The following CACNG2 variants were observed in gnomAD, a reference collection of about 807,000 sequenced individuals.
CACNG2 encodes the protein calcium voltage-gated channel auxiliary subunit gamma 2.
In CACNG2, 3 loss-of-function variants were observed where a neutral mutation model predicts 25.9. The ratio of observed to expected loss-of-function variants is 0.12; its 90% CI spans 0.05 to 0.30. CACNG2 has a LOEUF of 0.30. Among genes scored for constraint, CACNG2 ranks in the 10% least tolerant of loss-of-function variants. CACNG2 has a pLI of 1.00. For synonymous variants in CACNG2, 167 were observed against 173.3 expected (o/e 0.96, Z 0.29); for missense variants, 341 against 432.5 (o/e 0.79, Z 1.88).
intron 1 of CACNG2, among the ~76,000 whole-genome samples, chr22:36,594,717 ATGTG>A (rs964052562): frequency 2.1e-5 from 3 of 145,956 alleles, no homozygotes; most frequent in Non-Finnish European, 4.5e-5. Context: ...GTGTGTGTGC[ATGTG>A]TGTGTGTCTG....
chr22:36,691,084 CT>C (rs1328805471), intron 1 of CACNG2, among the ~76,000 whole-genome samples: 1 of 152,150 alleles, frequency 6.6e-6, no homozygotes, highest in East Asian at 1.9e-4. Context: ...ATGGTAGTAA[CT>C]TGGTAAATTT....
chr22:36,623,305 G>A (rs927546553), intron 1 of CACNG2, among the ~76,000 whole-genome samples: 2 of 152,106 alleles, frequency 1.3e-5, no homozygotes, highest in African/African-American at 2.4e-5. Flanking sequence ...ACAGGCATGA[G>A]CCACCATGCC....
intron 1 of CACNG2, among the ~76,000 whole-genome samples, chr22:36,668,803 G>A (rs761749699): frequency 6.6e-5 from 10 of 152,238 alleles, no homozygotes; most frequent in Middle Eastern, 3.4e-3. Context: ...GGGCCCAGCC[G>A]GGTGTAAGTC....
chr22:36,662,830 G>A (rs905132274), intron 1 of CACNG2, among the ~76,000 whole-genome samples: 5 of 152,022 alleles, frequency 3.3e-5, no homozygotes, highest in Admixed American at 6.6e-5. Flanking sequence ...TCTGTGTCAC[G>A]GTTGAGGAGC....
At chr22:36,592,961 C>G (rs1015621495) in intron 1 of CACNG2, among the ~76,000 whole-genome samples, 3 of 152,158 alleles carry the variant, frequency 2.0e-5, no homozygotes, top group Admixed American at 6.6e-5. Flanking sequence ...CCCAGTCCCA[C>G]CAGTCAGGAC....
rs114731577 is a variant in CACNG2, at chr22:36,600,214, C to T, written c.212-12666G>A. 6.6e-3 allele frequency among the ~76,000 whole-genome samples: 1,006 copies of T among 152,264 alleles called. 13 individuals carry two copies. The highest frequency in any genetic ancestry group is 0.022 in the African/African-American group (929 of 41,546). On this transcript the variant is annotated intron_variant, in intron 1 of 3. Transcript: ENST00000300105. ...ATAACTTATCTCCAGAGCTGTGCAA[C>T]GAGAAAGAAATAAACTATCAACTAT...
intron 1 of CACNG2, among the ~76,000 whole-genome samples, chr22:36,680,656 CAT>C (rs1937103645): frequency 1.3e-5 from 1 of 74,200 alleles, no homozygotes; most frequent in Non-Finnish European, 3.1e-5. Flanking sequence ...TTATCACCAC[CAT>C]CACCACCATC....
chr22:36,647,933 A>G (rs1936553103), intron 1 of CACNG2, among the ~76,000 whole-genome samples: 1 of 152,250 alleles, frequency 6.6e-6, no homozygotes, highest in Admixed American at 6.5e-5. Flanking sequence ...AAAGCAGGAA[A>G]TGGATTGCTT....
intron 1 of CACNG2, among the ~76,000 whole-genome samples, chr22:36,631,135 A>G (rs974525010): frequency 1.3e-5 from 2 of 152,024 alleles, no homozygotes; most frequent in South Asian, 2.1e-4. Context: ...GGCCCTCTTG[A>G]GCTCTTTAAT....
rs1322784456 is a variant in CACNG2 at position 36,563,254 on chromosome 22, C to A, written c.*1097G>T. ...CAAGGACCCCCAAAGGGTCAATGAACCCCCTTCCCAGGGGACTGGGGGGCT... is the reference window on the plus strand; with the variant it reads ...CAAGGACCCCCAAAGGGTCAATGAAACCCCTTCCCAGGGGACTGGGGGGCT... On this transcript the variant is annotated 3_prime_UTR_variant, in exon 4 of 4. Transcript: ENST00000300105. Among the ~76,000 whole-genome samples, 1 of 152,092 alleles carries A rather than the reference C, an allele frequency of 6.6e-6. No individual in the cohort carries two copies. The highest frequency in any genetic ancestry group is 2.4e-5 in the African/African-American group (1 of 41,410).
At chr22:36,617,248 G>T (rs745533682) in intron 1 of CACNG2, among the ~76,000 whole-genome samples, 4 of 152,178 alleles carry the variant, frequency 2.6e-5, no homozygotes, top group Non-Finnish European at 5.9e-5. Context: ...TATCTGGATA[G>T]ATGTTCCTTG....
chr22:36,693,632 AC>A (rs1937294809), intron 1 of CACNG2, among the ~76,000 whole-genome samples: 1 of 152,154 alleles, frequency 6.6e-6, no homozygotes, highest in Non-Finnish European at 1.5e-5. Flanking sequence ...CTTTGGGGTC[AC>A]ATCTGTGCTG....
At chr22:36,625,434 G>A (rs182074428) in intron 1 of CACNG2, among the ~76,000 whole-genome samples, 3 of 152,292 alleles carry the variant, frequency 2.0e-5, no homozygotes, top group Non-Finnish European at 4.4e-5. Context: ...GGGTCCTTCA[G>A]GGCAGGGCAC....
Position 36,608,195 on chromosome 22 carries a change from A to G in CACNG2, c.212-20647T>C, listed in dbSNP as rs1370491704. Among the ~76,000 whole-genome samples the G allele has an allele frequency of 3.9e-5, 6 of 152,236 alleles. No homozygotes were observed. The Middle Eastern group carries it at 0.014, about 345-fold the overall frequency. ...GGGATGCTGAAGAGAGAATTTCTAC[A>G]GTAGCTGGGATTCTGAGGTTCCTTC... On this transcript the variant is annotated intron_variant, in intron 1 of 3. Transcript: ENST00000300105.
chr22:36,620,291 T>C (rs757313537), intron 1 of CACNG2, among the ~76,000 whole-genome samples: 2 of 152,204 alleles, frequency 1.3e-5, no homozygotes, highest in African/African-American at 4.8e-5. Context: ...GGCATTCCTT[T>C]CCTAGCATAA....
intron 1 of CACNG2, among the ~76,000 whole-genome samples, chr22:36,611,146 G>T (rs1935933636): frequency 6.6e-6 from 1 of 152,188 alleles, no homozygotes; most frequent in South Asian, 2.1e-4. Flanking sequence ...TAAGGGTGTT[G>T]TGTGTGGGGA....
At position 36,702,419 on chromosome 22, in the gene CACNG2, T is replaced by C; in HGVS notation, c.158A>G (p.Lys53Arg). ...KSVSENETSK[K>R]NEEVMTHSGL... ...GGAATGGGTCATAACTTCCTCGTTC[T>C]TTTTGCTGGTTTCATTCTCACTGAC... is the stretch of plus-strand genomic sequence containing the variant. The change falls in exon 1 of 4, where the codon AAG becomes AGG. Residue 53 changes from lysine (K) to arginine (R), a missense_variant. By Grantham distance (26) the Lys-to-Arg change is conservative. Coordinates refer to ENST00000300105, the MANE Select transcript of CACNG2 (RefSeq NM_006078.5). The C allele has an allele frequency of 6.2e-7, 1 of 1,614,130 alleles. No individual in the cohort carries two copies. Among genetic ancestry groups the C allele is most frequent in the South Asian group, 1.1e-5 (1 of 91,080 alleles).
chr22:36,675,656 G>T (rs1245609261), intron 1 of CACNG2, among the ~76,000 whole-genome samples: 2 of 152,210 alleles, frequency 1.3e-5, no homozygotes, highest in African/African-American at 4.8e-5. Context: ...GTCTGTCCTG[G>T]CAGTGTCAGG....
At chr22:36,650,456 G>A (rs768866437) in intron 1 of CACNG2, among the ~76,000 whole-genome samples, 2 of 151,778 alleles carry the variant, frequency 1.3e-5, no homozygotes, top group African/African-American at 2.4e-5. Flanking sequence ...CTGTAGCCTC[G>A]ACCTCCCAAG....
Sources: allele counts gnomAD v4.1 joint callset (sites outside exome capture counted in the v4.1 genomes callset), GRCh38; gene constraint gnomAD v4.1.1; transcripts MANE v1.5; gene names NCBI Gene and HGNC (gene_info 2026-07-23, HGNC 2026-07-21).